Variants in CAMKMT observed in about 807,000 individuals in gnomAD.
CAMKMT encodes calmodulin-lysine N-methyltransferase.
CAMKMT carries 53 observed loss-of-function variants against 48.0 expected under a neutral mutation model. That is an observed-to-expected ratio of 1.10 (90% CI 0.89 to 1.39). The LOEUF is 1.39. Ranked by LOEUF, CAMKMT falls within the 40% of genes most tolerant of loss-of-function variation. The pLI, the probability that CAMKMT is intolerant of heterozygous loss-of-function variation, is 0.00. For missense variants in CAMKMT, 428 were observed against 402.7 expected, an observed-to-expected ratio of 1.06 and a Z score of -0.54; for synonymous variants, 165 against 152.3, an observed-to-expected ratio of 1.08 and a Z score of -0.61.
chr2:44,597,530 T>A (rs1670734863), intron 3 of CAMKMT, among the ~76,000 whole-genome samples: 2 of 152,220 alleles, frequency 1.3e-5, no homozygotes, highest in African/African-American at 4.8e-5. Context: ...TTATAATCCC[T>A]TTAGCTCAGA....
At chr2:44,622,252 G>A (rs1307022060) in intron 3 of CAMKMT, among the ~76,000 whole-genome samples, 1 of 152,134 alleles carries the variant, frequency 6.6e-6, no homozygotes, top group Non-Finnish European at 1.5e-5. Context: ...TATGTCTGGT[G>A]TCTTTTTAGC....
chr2:44,387,774 C>T (rs557657658), intron 2 of CAMKMT, among the ~76,000 whole-genome samples: 3 of 152,104 alleles, frequency 2.0e-5, no homozygotes, highest in Admixed American at 6.5e-5. Context: ...TAATTTCCTT[C>T]ATATATGATG....
At chr2:44,771,571 C>G (rs891042432) in intron 10 of CAMKMT, among the ~76,000 whole-genome samples, 4 of 152,150 alleles carry the variant, frequency 2.6e-5, no homozygotes, top group Non-Finnish European at 5.9e-5. Flanking sequence ...CCTGGAGAGC[C>G]TTTGCAGTGT....
chr2:44,398,647 C>T (rs189404858), intron 3 of CAMKMT, among the ~76,000 whole-genome samples: 51 of 150,266 alleles, frequency 3.4e-4, no homozygotes, highest in African/African-American at 1.2e-3. Context: ...AACATAGCCC[C>T]TTCTCTAAGG....
chr2:44,621,590 A>G (rs1479530577), intron 3 of CAMKMT, among the ~76,000 whole-genome samples: 1 of 152,224 alleles, frequency 6.6e-6, no homozygotes, highest in South Asian at 2.1e-4. Flanking sequence ...TGTGTTTAGT[A>G]TGTTTGAGGA....
intron 3 of CAMKMT, among the ~76,000 whole-genome samples, chr2:44,516,979 T>G (rs1670863096): frequency 6.6e-6 from 1 of 152,164 alleles, no homozygotes. Context: ...TGACCTCAAA[T>G]GATCCACCTG....
intron 3 of CAMKMT, among the ~76,000 whole-genome samples, chr2:44,431,386 C>A (rs1020481276): frequency 3.9e-5 from 6 of 152,026 alleles, no homozygotes; most frequent in Non-Finnish European, 8.8e-5. Context: ...GACTTTTTTC[C>A]CTTTTTGTTA....
At chr2:44,412,091 A>C (rs1683244136) in intron 3 of CAMKMT, among the ~76,000 whole-genome samples, 1 of 151,442 alleles carries the variant, frequency 6.6e-6, no homozygotes, top group Non-Finnish European at 1.5e-5. Context: ...TATCAGAGAA[A>C]ACACAGCATA....
At chr2:44,527,449 A>C (rs1025830345) in intron 3 of CAMKMT, among the ~76,000 whole-genome samples, 2 of 136,798 alleles carry the variant, frequency 1.5e-5, no homozygotes, top group African/African-American at 5.5e-5. Context: ...TTTGGTAGAG[A>C]TGAGGTCTCT....
chr2:44,697,001 G>A (rs994192920), intron 3 of CAMKMT, among the ~76,000 whole-genome samples: 1 of 152,024 alleles, frequency 6.6e-6, no homozygotes, highest in African/African-American at 2.4e-5. Context: ...AACAATAAGA[G>A]ATGCAAAGCA....
intron 3 of CAMKMT, among the ~76,000 whole-genome samples, chr2:44,656,695 T>C (rs960813974): frequency 6.6e-6 from 1 of 150,712 alleles, no homozygotes; most frequent in Non-Finnish European, 1.5e-5. Flanking sequence ...CTGGAAAAGG[T>C]CCCCCCCACC....
chr2:44,416,320 C>A (rs1367635242), intron 3 of CAMKMT, among the ~76,000 whole-genome samples: 1 of 152,074 alleles, frequency 6.6e-6, no homozygotes, highest in Non-Finnish European at 1.5e-5. Context: ...ATATAATTTA[C>A]AGAAATGCAC....
chr2:44,590,749 T>A (rs112448490), intron 3 of CAMKMT, among the ~76,000 whole-genome samples: 1 of 152,072 alleles, frequency 6.6e-6, no homozygotes, highest in African/African-American at 2.4e-5. Context: ...CAGAAGCTCT[T>A]TAGTTTAATG....
intron 3 of CAMKMT, among the ~76,000 whole-genome samples, chr2:44,600,853 C>G (rs116178987): frequency 0.013 from 1,993 of 152,178 alleles, 30 homozygotes; most frequent in Non-Finnish European, 0.021. Context: ...ATTAAAACTA[C>G]TACAATTATA....
At chr2:44,591,612 G>T (rs2103818694) in intron 3 of CAMKMT, among the ~76,000 whole-genome samples, 1 of 152,142 alleles carries the variant, frequency 6.6e-6, no homozygotes, top group African/African-American at 2.4e-5. Flanking sequence ...TACACTGTTG[G>T]TGGGACTGTA....
At chr2:44,552,746 T>C (rs923361014) in intron 3 of CAMKMT, among the ~76,000 whole-genome samples, 2 of 152,226 alleles carry the variant, frequency 1.3e-5, no homozygotes, top group African/African-American at 4.8e-5. Flanking sequence ...TCATATGGTA[T>C]GTGATGGTAG....
intron 7 of CAMKMT, among the ~76,000 whole-genome samples, chr2:44,742,899 G>T (rs1442600257): frequency 6.6e-6 from 1 of 152,108 alleles, no homozygotes. Context: ...TCACAGTTTT[G>T]GTGCTGTGGT....
chr2:44,410,414 C>T (rs1257026916), intron 3 of CAMKMT, among the ~76,000 whole-genome samples: 2 of 149,736 alleles, frequency 1.3e-5, no homozygotes, highest in East Asian at 1.9e-4. Context: ...CCCGCCACCT[C>T]GCCCAGCTAA....
chr2:44,645,181 G>T (rs151263902), intron 3 of CAMKMT, among the ~76,000 whole-genome samples: 1 of 152,326 alleles, frequency 6.6e-6, no homozygotes, highest in East Asian at 1.9e-4. Context: ...TGAGTAGGAG[G>T]CCAGGGGTAA....
Sources: gnomAD v4.1 joint callset for allele counts (sites outside exome capture counted in the v4.1 genomes callset) on GRCh38, gnomAD v4.1.1 for gene constraint, MANE v1.5 for transcripts, NCBI Gene and HGNC (gene_info 2026-07-23, HGNC 2026-07-21) for gene names.